Variants in EPHA6 observed in about 807,000 individuals in gnomAD.
The protein encoded by EPHA6 is EPH receptor A6, also known as ephrin type-A receptor 6.
In EPHA6, 50 loss-of-function variants were observed where a neutral mutation model predicts 112.0. The observed-to-expected ratio is 0.45, with a 90% CI of 0.36 to 0.56. The LOEUF (loss-of-function observed/expected upper bound fraction) is 0.56. Among genes scored for constraint, EPHA6 ranks in the 20% least tolerant of loss-of-function variants. EPHA6 has a pLI of 0.00. For missense variants in EPHA6, 1,280 were observed against 1,417.4 expected (o/e 0.90, Z 1.56); for synonymous variants, 529 against 490.7 (o/e 1.08, Z -1.03).
At chr3:96,961,184 T>TG (rs1185332620) in intron 2 of EPHA6, among the ~76,000 whole-genome samples, 1 of 152,250 alleles carries the variant, frequency 6.6e-6, no homozygotes, top group Admixed American at 6.5e-5. Flanking sequence ...AAAGGGAGGC[T>TG]ACTGTCCTTT....
chr3:97,375,183 T>C (rs182445572), intron 5 of EPHA6, among the ~76,000 whole-genome samples: 1 of 152,282 alleles, frequency 6.6e-6, no homozygotes, highest in Admixed American at 6.5e-5. Flanking sequence ...CATACACTGG[T>C]CATCCTATTA....
In EPHA6 at chr3:97,464,690, G is replaced by A. The variant is rs377531446; in HGVS notation, c.1895-10662G>A. ...GGCCTGGAAATTTTTCAAAGCAGGT[G>A]TTGTTGCAAGTCATCAAAAAGAAAC... is the stretch of plus-strand genomic sequence containing the variant. On this transcript the variant is annotated intron_variant, in intron 7 of 17. Transcript: ENST00000389672. Among the ~76,000 whole-genome samples the A allele has an allele frequency of 6.2e-4, 94 of 152,120 alleles. 2 individuals carry two copies. The South Asian group carries it at 0.019, about 31-fold the overall frequency.
intron 12 of EPHA6, among the ~76,000 whole-genome samples, chr3:97,607,444 A>G (rs919539617): frequency 1.3e-5 from 2 of 151,126 alleles, no homozygotes; most frequent in East Asian, 1.9e-4. Context: ...ACAGAAAAGG[A>G]TGATAAGGGG....
intron 2 of EPHA6, among the ~76,000 whole-genome samples, chr3:96,979,550 C>T (rs1397355320): frequency 6.6e-6 from 1 of 152,108 alleles, no homozygotes; most frequent in South Asian, 2.1e-4. Context: ...ATTTATAATC[C>T]TTTGGGTATA....
chr3:97,181,881 T>G (rs1052917643), intron 3 of EPHA6, among the ~76,000 whole-genome samples: 4 of 152,100 alleles, frequency 2.6e-5, no homozygotes, highest in Admixed American at 2.6e-4. Context: ...CACTGCACAG[T>G]GGGTACTCCA....
At chr3:97,563,100 T>A (rs954082475) in intron 11 of EPHA6, among the ~76,000 whole-genome samples, 20 of 152,310 alleles carry the variant, frequency 1.3e-4, no homozygotes, top group African/African-American at 4.8e-4. Flanking sequence ...TTTATTGCAG[T>A]GGTCTGAAAC....
At chr3:96,853,460 C>G (rs1384107654) in intron 1 of EPHA6, among the ~76,000 whole-genome samples, 1 of 151,938 alleles carries the variant, frequency 6.6e-6, no homozygotes, top group Non-Finnish European at 1.5e-5. Context: ...TCTCCAAACT[C>G]AGTGGCCATA....
rs527840992 is a variant in EPHA6, at chr3:97,517,749, C to T, written c.2201-14609C>T. On this transcript the variant is annotated intron_variant, in intron 10 of 17. Transcript: ENST00000389672. ...TGATCAACACCTTCCCTTTCCCCACCGGTGCCCCCACCCCACACTGAATCT... is the reference window on the plus strand; with the variant it reads ...TGATCAACACCTTCCCTTTCCCCACTGGTGCCCCCACCCCACACTGAATCT... 7.9e-5 allele frequency among the ~76,000 whole-genome samples: 12 copies of T among 152,170 alleles called. No homozygotes were observed. The South Asian group carries it at 1.0e-3, about 13-fold the overall frequency.
At chr3:96,897,748 T>C (rs913497716) in intron 2 of EPHA6, among the ~76,000 whole-genome samples, 1 of 152,118 alleles carries the variant, frequency 6.6e-6, no homozygotes, top group African/African-American at 2.4e-5. Context: ...TATGTAAAAT[T>C]TTTTTCTAGA....
At chr3:97,496,337 T>G (rs6797508) in intron 10 of EPHA6, among the ~76,000 whole-genome samples, 1 of 152,178 alleles carries the variant, frequency 6.6e-6, no homozygotes, top group Non-Finnish European at 1.5e-5. Flanking sequence ...AATGTTCATC[T>G]GCTTGGGATG....
At chr3:96,925,032 C>T (rs957602098) in intron 2 of EPHA6, among the ~76,000 whole-genome samples, 6 of 152,160 alleles carry the variant, frequency 3.9e-5, no homozygotes, top group African/African-American at 1.2e-4. Flanking sequence ...GGTTTGGATT[C>T]GGTTTGCCAA....
chr3:97,490,009 T>G (rs927459793), intron 10 of EPHA6, among the ~76,000 whole-genome samples: 1 of 152,104 alleles, frequency 6.6e-6, no homozygotes, highest in African/African-American at 2.4e-5. Flanking sequence ...ACACATTTTC[T>G]ATCTTATATA....
intron 11 of EPHA6, among the ~76,000 whole-genome samples, chr3:97,564,695 GA>G (rs2107182861): frequency 6.6e-6 from 1 of 152,122 alleles, no homozygotes; most frequent in South Asian, 2.1e-4. Context: ...CATGGGAAAA[GA>G]AAAGAAGATG....
In EPHA6 at chr3:97,484,041, G is replaced by A; in HGVS notation, c.2182G>A (p.Glu728Lys). 2 of 1,606,026 alleles carry A rather than the reference G, an allele frequency of 1.2e-6. No individual in the cohort carries two copies. The highest frequency in any genetic ancestry group is 1.7e-6 in the Non-Finnish European group (2 of 1,176,604). The change falls in exon 10 of 18, where the codon GAG becomes AAG. Residue 728 changes from glutamate to lysine, a missense_variant. Around this residue, in one of 4 missense-constraint regions of EPHA6, gnomAD observed 878 missense variants for 999.7 expected, o/e 0.88. Coordinates refer to ENST00000389672, the MANE Select transcript of EPHA6 (RefSeq NM_001080448.3). ...KEIDPSRIRI[E>K]RVIGAGEFGE... ...GATTGATCCCTCAAGAATTCGTATT[G>A]AGAGAGTCATTGGGGCAGGTAAATG...
intron 5 of EPHA6, among the ~76,000 whole-genome samples, chr3:97,391,601 T>G (rs1264058228): frequency 6.6e-6 from 1 of 151,930 alleles, no homozygotes; most frequent in African/African-American, 2.4e-5. Context: ...AATATATTTG[T>G]GTATATTCTA....
At position 96,814,752 on chromosome 3, in the gene EPHA6, G is replaced by GGGGC. The variant is rs1325901004; in HGVS notation, c.131_134dup (p.Pro46AlafsTer48). Reference sequence around the variant, plus strand: ...GCCCTGTTCCCGGGACCTCGCGCAGGGGGCGCCCCGGGACACCCCCTGCGG... The same window carrying GGGGC: ...GCCCTGTTCCCGGGACCTCGCGCAGGGGGCGGGCGCCCCGGGACACCCCCTGCGG... On this transcript the variant is annotated frameshift_variant, in exon 1 of 18. Transcript: ENST00000389672. LOFTEE classifies it high-confidence loss of function. 2 of 1,594,772 alleles carry GGGGC rather than the reference G, an allele frequency of 1.3e-6. No individual in the cohort carries two copies. The highest frequency in any genetic ancestry group is 2.7e-5 in the African/African-American group (2 of 74,246).
At chr3:97,158,189 C>CTT (rs1559763292) in intron 3 of EPHA6, among the ~76,000 whole-genome samples, 1 of 152,130 alleles carries the variant, frequency 6.6e-6, no homozygotes. Context: ...AAAGTTAACA[C>CTT]ATCTTACTTT....
rs530227719 is a variant in EPHA6, at chr3:97,210,633, G to A, written c.1115-15631G>A. ...AATGGGTAACTAATGATGAGAACTC[G>A]AATTATAGGTTAGAATGGACCTCTG... On this transcript the variant is annotated intron_variant, in intron 3 of 17. Coordinates refer to ENST00000389672, the MANE Select transcript of EPHA6 (RefSeq NM_001080448.3). 1.2e-4 allele frequency among the ~76,000 whole-genome samples: 19 copies of A among 152,184 alleles called. No individual in the cohort carries two copies. The East Asian group carries it at 2.5e-3, about 20-fold the overall frequency.
chr3:97,370,011 T>G (rs1000516544), intron 5 of EPHA6, among the ~76,000 whole-genome samples: 3 of 152,160 alleles, frequency 2.0e-5, no homozygotes, highest in Non-Finnish European at 4.4e-5. Flanking sequence ...GATTTGGAAT[T>G]TAAAGAAAAG....
Sources: allele counts gnomAD v4.1 joint callset (sites outside exome capture counted in the v4.1 genomes callset), GRCh38; gene constraint gnomAD v4.1.1; regional missense constraint gnomAD v4.1.1; transcripts MANE v1.5; gene names NCBI Gene and HGNC (gene_info 2026-07-23, HGNC 2026-07-21).